ANK2: variants seen among roughly 807,000 people sequenced by gnomAD.
The protein encoded by ANK2 is ankyrin-2.
A neutral mutation model predicts 360.5 loss-of-function variants in ANK2; 83 were observed. The observed-to-expected ratio is 0.23, with a 90% CI of 0.19 to 0.28. The LOEUF (loss-of-function observed/expected upper bound fraction) is 0.28. Among genes scored for constraint, ANK2 ranks in the 10% least tolerant of loss-of-function variants. The pLI, the probability that ANK2 is intolerant of heterozygous loss-of-function variation, is 1.00. For missense variants in ANK2, 4,201 were observed against 4,795.7 expected (o/e 0.88, Z 3.66); for synonymous variants, 1,740 against 1,759.5 (o/e 0.99, Z 0.28).
chr4:112,885,496 CAAA>C (rs11429383), intron 1 of ANK2, among the ~76,000 whole-genome samples: 1 of 123,050 alleles, frequency 8.1e-6, no homozygotes, highest in Non-Finnish European at 1.7e-5. Context: ...AAGACTCCAT[CAAA>C]AAAAAAAAAA....
In ANK2 at chr4:113,359,352, T is replaced by A; in HGVS notation, c.10681+53T>A. The A allele has an allele frequency of 2.5e-6, 4 of 1,605,004 alleles. No homozygotes were observed. In the South Asian group the frequency reaches 4.4e-5, roughly 18 times the overall value. On this transcript the variant is annotated intron_variant, in intron 38 of 45. Transcript: ENST00000357077. ...TGCTACGCATGTCATAAAATTGATA[T>A]AGTTTTTTTGTATGTTTGTTTTATT...
intron 1 of ANK2, chr4:113,149,264 A>G (rs1310109336): frequency 6.6e-6 from 1 of 152,146 alleles, no homozygotes; most frequent in Non-Finnish European, 1.5e-5. Flanking sequence ...TTTTTGGGAG[A>G]TTATAAAAGA....
intron 2 of ANK2, among the ~76,000 whole-genome samples, chr4:112,966,791 T>C (rs901697123): frequency 9.2e-5 from 14 of 152,248 alleles, no homozygotes; most frequent in African/African-American, 3.4e-4. Context: ...AATCTTGATC[T>C]ATGATGTTTG....
At chr4:113,360,981 C>T in intron 39 of ANK2, 84 bp downstream of exon 39, 1 of 1,224,524 alleles carries the variant, frequency 8.2e-7, no homozygotes. Context: ...AAAGGTACCC[C>T]CCACTTTCTT....
Position 113,174,520 on chromosome 4 carries a change from A to G in ANK2, c.186+3A>G. 1 of 1,598,400 alleles carries G rather than the reference A, an allele frequency of 6.3e-7. No homozygotes were observed. The highest frequency in any genetic ancestry group is 8.6e-7 in the Non-Finnish European group (1 of 1,166,924). ...TAGACATCAATACCTGCAATCAGGT[A>G]AGAACATGGCAGCTAGCTCTGTGTT... On this transcript the variant is annotated splice_donor_region_variant and intron_variant, in intron 2 of 45. Transcript: ENST00000357077.
In ANK2 at chr4:112,966,456, A is replaced by AGT. The variant is rs201465151; in HGVS notation, c.21+61955_21+61956dup. ...CTTTCCAGTTCTTTTCAAATGAGTA[A>AGT]GTGTGTGTGTGTGTATACACATACT... On this transcript the variant is annotated intron_variant, in intron 2 of 30. Coordinates refer to the ANK2 transcript ENST00000503271. Among the ~76,000 whole-genome samples, 1,077 of 151,618 alleles carry AGT rather than the reference A, an allele frequency of 7.1e-3. 13 individuals are homozygous for AGT. The highest frequency in any genetic ancestry group is 0.024 in the African/African-American group (1,005 of 41,468).
chr4:112,885,069 T>A (rs75264887), intron 1 of ANK2, among the ~76,000 whole-genome samples: 1 of 152,220 alleles, frequency 6.6e-6, no homozygotes, highest in Non-Finnish European at 1.5e-5. Flanking sequence ...ATATATATTA[T>A]TCTTTTATTA....
At chr4:112,835,074 A>C (rs2060715066) in intron 1 of ANK2, among the ~76,000 whole-genome samples, 1 of 152,174 alleles carries the variant, frequency 6.6e-6, no homozygotes, top group Non-Finnish European at 1.5e-5. Flanking sequence ...TTTCACTTTG[A>C]GTGATACTAA....
rs1398503914 is a variant in ANK2 at position 113,247,173 on chromosome 4, AAC to A, written c.892-2589_892-2588del. Among the ~76,000 whole-genome samples, 373 of 151,756 alleles carry A rather than the reference AAC, an allele frequency of 2.5e-3. 1 individual carries two copies. Among genetic ancestry groups the A allele is most frequent in the African/African-American group, 8.5e-3 (354 of 41,406 alleles). ...AACTGATTCTAGAGAAAAAAAAAAA[AAC>A]AACAACAGAGAAAACACAAGGGGTC... is the stretch of plus-strand genomic sequence containing the variant. On this transcript the variant is annotated intron_variant, in intron 9 of 45. Transcript: ENST00000357077.
At chr4:113,145,537 C>A in intron 1 of ANK2, 2 of 971,294 alleles carry the variant, frequency 2.1e-6, no homozygotes, top group South Asian at 4.5e-5. Context: ...AACAAAACAA[C>A]ACCGCCCCCT....
At chr4:113,366,593 T>C (rs1250703930) in intron 41 of ANK2, among the ~76,000 whole-genome samples, 1 of 151,944 alleles carries the variant, frequency 6.6e-6, no homozygotes, top group Non-Finnish European at 1.5e-5. Flanking sequence ...CTCTGCATTC[T>C]CCTGTTTCAG....
chr4:113,378,228 A>G (rs928971777), intron 45 of ANK2: 29 of 978,660 alleles, frequency 3.0e-5, no homozygotes, highest in Middle Eastern at 2.5e-4. Flanking sequence ...CACCATAAAA[A>G]TTTTTCCAAT....
At chr4:112,752,944 G>GT in the ANK2 span, among the ~76,000 whole-genome samples, 1 of 152,198 alleles carries the variant, frequency 6.6e-6, no homozygotes, top group African/African-American at 2.4e-5. Context: ...GGGACTACAA[G>GT]TGTGAACCTT....
intron 2 of ANK2, among the ~76,000 whole-genome samples, chr4:113,019,576 A>G (rs1265757735): frequency 6.6e-6 from 1 of 152,226 alleles, no homozygotes; most frequent in East Asian, 1.9e-4. Flanking sequence ...TCTTTTAAAA[A>G]TTAAGAGGTA....
chr4:113,381,322 G>C (rs2097165262), intron 45 of ANK2, 135 bp from the exon 46 acceptor site: 1 of 909,672 alleles, frequency 1.1e-6, no homozygotes, highest in Admixed American at 1.9e-5. Context: ...TCTATAGTTT[G>C]TTATGCTAAT....
At chr4:113,163,545 A>G (rs1461994167) in intron 1 of ANK2, among the ~76,000 whole-genome samples, 2 of 151,146 alleles carry the variant, frequency 1.3e-5, no homozygotes, top group Non-Finnish European at 3.0e-5. Flanking sequence ...CGGGTGGATC[A>G]TCTGAGGTCA....
the ANK2 span, among the ~76,000 whole-genome samples, chr4:112,758,899 C>G: frequency 6.6e-6 from 1 of 152,050 alleles, no homozygotes; most frequent in Admixed American, 6.6e-5. Flanking sequence ...GAACCTTGTG[C>G]CCATGATGGT....
chr4:113,086,105 G>A (rs1029873029), intron 1 of ANK2, among the ~76,000 whole-genome samples: 4 of 152,112 alleles, frequency 2.6e-5, no homozygotes, highest in Admixed American at 6.5e-5. Context: ...TCATTGATCA[G>A]AAGAGTATAA....
At position 113,214,212 on chromosome 4, in the gene ANK2, G is replaced by A. The variant is rs919050926; in HGVS notation, c.384+15103G>A. 3.0e-5 allele frequency: 28 copies of A among 943,650 alleles called. 2 individuals are homozygous for A. In the African/African-American group the frequency reaches 4.6e-4, roughly 16 times the overall value. 58.5% of individuals were successfully genotyped at this position (943,650 alleles called of 1,614,324 possible). ...CACATACAGCTTGGGAAGCACATAG[G>A]CATCGAAGACGCTCGCTTCAGAAAT... On this transcript the variant is annotated intron_variant, in intron 4 of 45. Transcript: ENST00000357077.
Sources: gnomAD v4.1 joint callset for allele counts (sites outside exome capture counted in the v4.1 genomes callset) on GRCh38, gnomAD v4.1.1 for gene constraint, MANE v1.5 for transcripts, NCBI Gene and HGNC (gene_info 2026-07-23, HGNC 2026-07-21) for gene names.